Variants in SLC6A9 observed in about 807,000 individuals in gnomAD.
The protein encoded by SLC6A9 is solute carrier family 6 member 9.
A neutral mutation model predicts 70.9 loss-of-function variants in SLC6A9; 31 were observed. The ratio of observed to expected loss-of-function variants is 0.44; its 90% CI spans 0.33 to 0.59. SLC6A9 has a LOEUF of 0.59. Ranked by LOEUF, SLC6A9 falls within the 20% of genes least tolerant of loss-of-function variation. The pLI, the probability that SLC6A9 is intolerant of heterozygous loss-of-function variation, is 0.04. For missense variants in SLC6A9, 631 were observed against 845.2 expected, an observed-to-expected ratio of 0.75 and a Z score of 3.14; for synonymous variants, 310 against 341.3, an observed-to-expected ratio of 0.91 and a Z score of 1.01.
intron 2 of SLC6A9, among the ~76,000 whole-genome samples, chr1:44,020,742 G>A (rs541176125): frequency 3.4e-4 from 52 of 152,352 alleles, no homozygotes; most frequent in African/African-American, 1.2e-3. Flanking sequence ...CTATGTGCCA[G>A]GTCCTATGAC....
At chr1:44,017,394 C>A in intron 2 of SLC6A9, 1 of 1,203,114 alleles carries the variant, frequency 8.3e-7, no homozygotes, top group Non-Finnish European at 1.1e-6. Context: ...CACACACACA[C>A]ACACACACAC....
At chr1:44,008,733 T>A (rs1571874818) in intron 4 of SLC6A9, 110 bp from the exon 5 acceptor site, 4 of 842,878 alleles carry the variant, frequency 4.7e-6, no homozygotes, top group Non-Finnish European at 5.4e-6. Flanking sequence ...TGAGATGGAG[T>A]CTAGCTCTGT....
chr1:43,997,465 G>C lies in SLC6A9; in HGVS notation c.*80C>G. The C allele has an allele frequency of 7.5e-7, 1 of 1,328,828 alleles. No homozygotes were observed. The highest frequency in any genetic ancestry group is 1.1e-6 in the Non-Finnish European group (1 of 937,860). 82.3% of individuals were successfully genotyped at this position (1,328,828 alleles called of 1,614,324 possible). ...GCCAGGGCGTGGCAGGGGGCAGGCA[G>C]AGACACCTGGCCTCTGCCTCACCAG... On this transcript the variant is annotated 3_prime_UTR_variant, in exon 14 of 14. Transcript: ENST00000372310. The surrounding 1 kb of genome is among the most constrained non-coding windows in gnomAD (Gnocchi z 4.4).
rs2085923565 is a variant in SLC6A9 at position 43,997,732 on chromosome 1, T to G, written c.1715A>C (p.Lys572Thr). 6.2e-7 allele frequency: 1 copy of G among 1,606,516 alleles called. No individual in the cohort carries two copies. The highest frequency in any genetic ancestry group is 8.5e-7 in the Non-Finnish European group (1 of 1,176,322). ...TDGDTLLQRL[K>T]NATKPSRDWG... The stretch of plus-strand genomic sequence containing the variant: ...GTCTCTGCTTGGCTTTGTGGCATTT[T>G]TCAAACGCTGCATGAGGTAGGCATG... The change falls in exon 14 of 14, where the codon AAA (lysine) becomes ACA (threonine). Residue 572 changes from lysine to threonine, a missense_variant. Physicochemically the swap from Lys to Thr is moderately conservative, Grantham distance 78. Coordinates refer to ENST00000372310, the MANE Select transcript of SLC6A9 (RefSeq NM_001024845.3). This position sits in a 1 kb window ranked among gnomAD's most constrained non-coding sequence, Gnocchi z 4.4.
intron 1 of SLC6A9, among the ~76,000 whole-genome samples, chr1:44,025,281 A>ATC (rs58506300): frequency 0.39 from 59,688 of 151,748 alleles, 16,783 homozygotes; most frequent in African/African-American, 0.79. Flanking sequence ...TGTGGGAAGC[A>ATC]TGAGTGGCAA....
At chr1:44,024,195 G>C in intron 2 of SLC6A9, 53 bp downstream of exon 2, 1 of 1,581,872 alleles carries the variant, frequency 6.3e-7, no homozygotes, top group Admixed American at 1.7e-5. Context: ...GGAGGTCCTG[G>C]GGGCAGGGCT....
intron 3 of SLC6A9, chr1:44,010,469 G>GA: frequency 3.9e-6 from 1 of 254,124 alleles, no homozygotes; most frequent in Non-Finnish European, 7.5e-6. Context: ...GGGGGGGGGG[G>GA]GGTTAGGTCC....
chr1:44,009,279 G>A (rs2086456446), intron 4 of SLC6A9, among the ~76,000 whole-genome samples: 2 of 151,316 alleles, frequency 1.3e-5, no homozygotes, highest in Admixed American at 6.6e-5. Flanking sequence ...GAGTGCTGTG[G>A]CATGATCTTG....
At chr1:44,022,146 C>T (rs1022494584) in intron 2 of SLC6A9, among the ~76,000 whole-genome samples, 5 of 152,174 alleles carry the variant, frequency 3.3e-5, no homozygotes, top group Non-Finnish European at 7.4e-5. Flanking sequence ...CTGGCCGGGC[C>T]GACCGGCAGA....
chr1:44,014,637 C>T (rs1450208368), intron 2 of SLC6A9: 1 of 151,786 alleles, frequency 6.6e-6, no homozygotes, highest in Admixed American at 6.6e-5. Context: ...TTTACACAGC[C>T]CTCTGCTTGG....
At chr1:43,998,104 T>G (rs1465328327) in intron 12 of SLC6A9, 79 bp from the exon 13 acceptor site, 1 of 1,350,638 alleles carries the variant, frequency 7.4e-7, no homozygotes, top group African/African-American at 1.5e-5. Context: ...CCAGCACCCT[T>G]TCCTCTCTGG....
At chr1:44,011,666 A>C in intron 2 of SLC6A9, 1 of 1,613,960 alleles carries the variant, frequency 6.2e-7, no homozygotes. Context: ...AAGTAGAGGG[A>C]GTGGCTCCAG....
chr1:44,014,188 A>C (rs948079465), intron 2 of SLC6A9, among the ~76,000 whole-genome samples: 1 of 151,642 alleles, frequency 6.6e-6, no homozygotes, highest in African/African-American at 2.4e-5. Flanking sequence ...GTGGGGAATT[A>C]AACCATAGCG....
chr1:44,009,515 G>A lies in SLC6A9; in HGVS notation c.319+450C>T, dbSNP rs557626207. On this transcript the variant is annotated intron_variant, in intron 4 of 13. Coordinates refer to ENST00000372310, the MANE Select transcript of SLC6A9 (RefSeq NM_001024845.3). ...TGGGATTACAGGGGTAAGCCACCGC[G>A]CCCGGCCAAGATGGGGTTTCTCCAT... Among the ~76,000 whole-genome samples, 8 of 152,124 alleles carry A rather than the reference G, an allele frequency of 5.3e-5. No individual in the cohort carries two copies. The South Asian group carries it at 6.2e-4, about 12-fold the overall frequency.
rs1033301229 is a variant in SLC6A9, at chr1:44,010,206, G to A, written c.188-110C>T. On this transcript the variant is annotated intron_variant, in intron 3 of 13. Coordinates refer to ENST00000372310, the MANE Select transcript of SLC6A9 (RefSeq NM_001024845.3). ...CCTTCGCGATTGGGTAGGACCCAGG[G>A]AGGAGTGTGCCAGGCTTGAGCAGGA... 8 of 1,228,988 alleles carry A rather than the reference G, an allele frequency of 6.5e-6. No homozygotes were observed. In the African/African-American group the frequency reaches 1.0e-4, roughly 16 times the overall value. The allele number at this position is 1,228,988 out of a possible 1,614,324, so 76.1% of individuals were successfully genotyped here.
At chr1:43,999,224 A>G (rs535650855) in intron 12 of SLC6A9, among the ~76,000 whole-genome samples, 4 of 151,794 alleles carry the variant, frequency 2.6e-5, no homozygotes, top group African/African-American at 4.8e-5. Context: ...GAAATATGAA[A>G]AAGGAAAGCC....
At chr1:44,017,182 C>T (rs1375317900) in intron 2 of SLC6A9, 1 of 1,593,848 alleles carries the variant, frequency 6.3e-7, no homozygotes, top group Admixed American at 1.8e-5. Flanking sequence ...CCCTGCCTCT[C>T]CCACTGCCGG....
At chr1:44,017,214 T>C (rs1259345929) in intron 2 of SLC6A9, 1 of 1,540,158 alleles carries the variant, frequency 6.5e-7, no homozygotes, top group Non-Finnish European at 8.7e-7. Context: ...TCAATTACTT[T>C]CACCTCATCT....
At chr1:44,004,911 C>A (rs1250784177) in intron 5 of SLC6A9, among the ~76,000 whole-genome samples, 1 of 152,222 alleles carries the variant, frequency 6.6e-6, no homozygotes, top group African/African-American at 2.4e-5. Context: ...CTCCACATGA[C>A]AAATCTTATT....
Sources: gnomAD v4.1 joint callset for allele counts (sites outside exome capture counted in the v4.1 genomes callset) on GRCh38, gnomAD v4.1.1 for gene constraint, Gnocchi (gnomAD v3.1) non-coding constraint, MANE v1.5 for transcripts, NCBI Gene and HGNC (gene_info 2026-07-23, HGNC 2026-07-21) for gene names.